DCT: variants seen among roughly 807,000 people sequenced by gnomAD.
The protein encoded by DCT is L-dopachrome tautomerase.
DCT carries 47 observed loss-of-function variants against 53.0 expected under a neutral mutation model. The ratio of observed to expected loss-of-function variants is 0.89; its 90% CI spans 0.70 to 1.13. The LOEUF (loss-of-function observed/expected upper bound fraction) is 1.13, where lower values mean the gene tolerates loss of function less well. DCT is among the 50% of genes most tolerant of loss of function. The pLI is 0.00. For missense variants in DCT, 669 were observed against 637.4 expected (o/e 1.05, Z -0.53); for synonymous variants, 244 against 237.0 (o/e 1.03, Z -0.27).
intron 1 of DCT, among the ~76,000 whole-genome samples, chr13:94,470,941 G>A (rs1283161491): frequency 2.6e-5 from 4 of 152,224 alleles, no homozygotes; most frequent in Admixed American, 6.5e-5. Flanking sequence ...CAAAACAAAT[G>A]TGTGTTGAGT....
the DCT span, among the ~76,000 whole-genome samples, chr13:94,508,658 G>A: frequency 6.6e-6 from 1 of 152,154 alleles, no homozygotes; most frequent in East Asian, 1.9e-4. Flanking sequence ...TAAATGTGAA[G>A]GGCTGTTCTG....
chr13:94,461,561 C>T (rs1883789421), intron 5 of DCT, among the ~76,000 whole-genome samples: 1 of 152,124 alleles, frequency 6.6e-6, no homozygotes, highest in Non-Finnish European at 1.5e-5. Flanking sequence ...AATGTCATTG[C>T]TGTGCTATGA....
At chr13:94,509,776 C>T in the DCT span, among the ~76,000 whole-genome samples, 1 of 152,128 alleles carries the variant, frequency 6.6e-6, no homozygotes, top group Non-Finnish European at 1.5e-5. Context: ...AGAGTTAATA[C>T]ATACAAAGTC....
At chr13:94,466,481 T>C (rs12864325) in intron 3 of DCT, 77 bp downstream of exon 3, 153,400 of 855,122 alleles carry the variant, frequency 0.18, 15,326 homozygotes, top group Non-Finnish European at 0.2. Context: ...TATATCAAAA[T>C]TCACACTGTA....
intron 6 of DCT, among the ~76,000 whole-genome samples, chr13:94,451,073 G>A (rs1042515304): frequency 1.3e-5 from 2 of 152,116 alleles, no homozygotes; most frequent in African/African-American, 2.4e-5. Context: ...CCCCAGCCTA[G>A]TCCATAGAAA....
In DCT at chr13:94,439,714, G is replaced by T; in HGVS notation, c.*184C>A. The T allele has an allele frequency of 4.5e-6, 2 of 445,604 alleles. No homozygotes were observed. The highest frequency in any genetic ancestry group is 7.8e-6 in the Non-Finnish European group (2 of 255,606). The allele number at this position is 445,604 out of a possible 1,614,324, so 27.6% of individuals were successfully genotyped here. A position where few individuals can be genotyped will look rare whatever the true frequency, so the allele number is the denominator to read the frequency against. ...AGCCTCAAGCACTTTAGTTGGGTTT[G>T]TTAAACAAGCAAGCAAAGCGGAAAC... On this transcript the variant is annotated 3_prime_UTR_variant, in exon 8 of 8. Transcript: ENST00000377028.
At chr13:94,507,020 A>G in the DCT span, among the ~76,000 whole-genome samples, 1 of 152,170 alleles carries the variant, frequency 6.6e-6, no homozygotes, top group East Asian at 1.9e-4. Flanking sequence ...AGGATGTTGG[A>G]CTGGCTAGTA....
the DCT span, among the ~76,000 whole-genome samples, chr13:94,506,708 T>A: frequency 6.6e-6 from 1 of 152,166 alleles, no homozygotes; most frequent in Non-Finnish European, 1.5e-5. Flanking sequence ...AATATCTTCT[T>A]ATAAGATATT....
the DCT span, among the ~76,000 whole-genome samples, chr13:94,512,127 C>A: frequency 1.3e-5 from 2 of 152,104 alleles, no homozygotes; most frequent in Admixed American, 1.3e-4. Flanking sequence ...GTGCCTCACC[C>A]AGTACTGGAT....
chr13:94,530,438 A>G, the DCT span, among the ~76,000 whole-genome samples: 2 of 152,200 alleles, frequency 1.3e-5, no homozygotes, highest in African/African-American at 4.8e-5. Context: ...AAGTTTATCC[A>G]CCACAATCAA....
intron 6 of DCT, among the ~76,000 whole-genome samples, chr13:94,445,924 C>T (rs1045799859): frequency 6.6e-6 from 1 of 152,124 alleles, no homozygotes; most frequent in Non-Finnish European, 1.5e-5. Flanking sequence ...CATTCTTCCT[C>T]AGTGTTGGGG....
At chr13:94,459,818 T>A (rs534663950) in intron 6 of DCT, among the ~76,000 whole-genome samples, 20 of 152,312 alleles carry the variant, frequency 1.3e-4, no homozygotes, top group African/African-American at 4.6e-4. Context: ...GAAAAATCAT[T>A]TATTATTATG....
intron 6 of DCT, among the ~76,000 whole-genome samples, chr13:94,444,898 A>G (rs1231105844): frequency 6.6e-6 from 1 of 152,228 alleles, no homozygotes; most frequent in African/African-American, 2.4e-5. Flanking sequence ...TAAGATAAGG[A>G]CTTTTCACCT....
the DCT span, among the ~76,000 whole-genome samples, chr13:94,549,344 C>G: frequency 6.6e-6 from 1 of 152,234 alleles, no homozygotes; most frequent in African/African-American, 2.4e-5. Context: ...CCAGGCGGCG[C>G]GCGGCCCCGT....
chr13:94,535,576 T>G, the DCT span, among the ~76,000 whole-genome samples: 10 of 152,314 alleles, frequency 6.6e-5, no homozygotes, highest in African/African-American at 1.9e-4. Context: ...TAAGCATTAA[T>G]GTAGGCAGTG....
the DCT span, among the ~76,000 whole-genome samples, chr13:94,506,990 GTTTC>G: frequency 2.6e-5 from 4 of 152,094 alleles, no homozygotes; most frequent in African/African-American, 4.8e-5. Context: ...TTGAGTCTTG[GTTTC>G]TTTATCTGGA....
At chr13:94,499,761 T>G in the DCT span, among the ~76,000 whole-genome samples, 3 of 152,064 alleles carry the variant, frequency 2.0e-5, no homozygotes, top group Non-Finnish European at 2.9e-5. Context: ...TGACCTCCCC[T>G]CATGACTCTG....
chr13:94,495,629 A>C, the DCT span, among the ~76,000 whole-genome samples: 1 of 152,238 alleles, frequency 6.6e-6, no homozygotes, highest in South Asian at 2.1e-4. Context: ...AGAATATAAC[A>C]TGCTACCTTT....
At chr13:94,445,989 C>G (rs1262506552) in intron 6 of DCT, among the ~76,000 whole-genome samples, 3 of 152,116 alleles carry the variant, frequency 2.0e-5, no homozygotes, top group African/African-American at 7.2e-5. Context: ...GGAAGGAGAA[C>G]AGATGGAATG....
Sources: gnomAD v4.1 joint callset for allele counts (sites outside exome capture counted in the v4.1 genomes callset) on GRCh38, gnomAD v4.1.1 for gene constraint, MANE v1.5 for transcripts, NCBI Gene and HGNC (gene_info 2026-07-23, HGNC 2026-07-21) for gene names.